Variants in TVP23C observed in about 807,000 individuals in gnomAD.
TVP23C encodes trans-golgi network vesicle protein 23 homolog C, also known as Golgi apparatus membrane protein TVP23 homolog C.
Under a neutral mutation model 28.7 loss-of-function variants are expected in TVP23C, and 19 were observed. The observed-to-expected ratio is 0.66, with a 90% CI of 0.46 to 0.97. The LOEUF is 0.97. TVP23C is among the 50% of genes least tolerant of loss of function. The pLI is 0.00. For synonymous variants in TVP23C, 68 were observed against 81.7 expected (o/e 0.83, Z 0.90); for missense variants, 186 against 241.3 (o/e 0.77, Z 1.52).
intron 5 of TVP23C, among the ~76,000 whole-genome samples, chr17:15,517,689 A>G (rs571540654): frequency 6.6e-6 from 1 of 152,246 alleles, no homozygotes; most frequent in Non-Finnish European, 1.5e-5. Context: ...ACCTCCAAAC[A>G]ATGGTTTGAG....
intron 5 of TVP23C, among the ~76,000 whole-genome samples, chr17:15,544,850 T>C (rs1983573733): frequency 6.6e-6 from 1 of 151,976 alleles, no homozygotes; most frequent in African/African-American, 2.4e-5. Context: ...AAAGAATCTA[T>C]ATCACAAAAT....
At chr17:15,557,732 A>T (rs1374654975) in intron 1 of TVP23C, among the ~76,000 whole-genome samples, 1 of 141,172 alleles carries the variant, frequency 7.1e-6, no homozygotes, top group Non-Finnish European at 1.6e-5. Context: ...CAGGGCTGAG[A>T]AATCTAAGTG....
Position 15,553,902 on chromosome 17 carries a change from G to A in TVP23C, c.96-73C>T, listed in dbSNP as rs1208272508. On this transcript the variant is annotated intron_variant, in intron 2 of 5. Coordinates refer to ENST00000518321, the MANE Select transcript of TVP23C (RefSeq NM_001135036.2). The stretch of plus-strand genomic sequence containing the variant: ...GGTACTAGCAAATGTAGAGAAAAAT[G>A]TTTTAGCCATCGTGTAACTGTGAAG... 3.1e-6 allele frequency: 5 copies of A among 1,600,612 alleles called. No individual in the cohort carries two copies. The South Asian group carries it at 4.5e-5, about 14-fold the overall frequency.
downstream of TVP23C, among the ~76,000 whole-genome samples, chr17:15,534,622 T>C (rs1465248255): frequency 2.0e-5 from 3 of 150,290 alleles, no homozygotes; most frequent in Non-Finnish European, 4.4e-5. Context: ...CCCTTACCTA[T>C]TTAGAGGTCT....
At chr17:15,551,119 A>AT (rs1326020382) in intron 3 of TVP23C, among the ~76,000 whole-genome samples, 3 of 141,926 alleles carry the variant, frequency 2.1e-5, no homozygotes, top group Non-Finnish European at 3.0e-5. Context: ...AGTTGCCATT[A>AT]TTGTTTTTTT....
Position 15,555,308 on chromosome 17 carries a change from A to G in TVP23C, c.69T>C (p.Thr23=). ...VSLFDAEEET[T]NRPRKAKIRH... ...TGATTTTGGCTTTTCTTGGTCTATTAGTCGTCTCCTCTTCCGCATCAAACA... is the reference window on the plus strand; with the variant it reads ...TGATTTTGGCTTTTCTTGGTCTATTGGTCGTCTCCTCTTCCGCATCAAACA... Residue 23 remains threonine (T), a synonymous_variant, in exon 2 of 6, where the codon ACT becomes ACC. Transcript: ENST00000518321. 2 of 1,613,974 alleles carry G rather than the reference A, an allele frequency of 1.2e-6. No individual in the cohort carries two copies. The highest frequency in any genetic ancestry group is 1.7e-6 in the Non-Finnish European group (2 of 1,179,864).
Position 15,537,999 on chromosome 17 carries a change from A to C in TVP23C, c.*2413T>G. On this transcript the variant is annotated 3_prime_UTR_variant, in exon 6 of 6. Coordinates refer to ENST00000518321, the MANE Select transcript of TVP23C (RefSeq NM_001135036.2). ...ATGAAAACTACTTTTCCTTTTTATA[A>C]ATAAAGTTTTTAAGTGGAAAAACAA... The C allele has an allele frequency of 6.7e-7, 1 of 1,503,608 alleles. No individual in the cohort carries two copies. The highest frequency in any genetic ancestry group is 8.9e-7 in the Non-Finnish European group (1 of 1,126,720). The allele number at this position is 1,503,608 out of a possible 1,614,324, so 93.1% of individuals were successfully genotyped here.
rs1373717805 is a variant in TVP23C, at chr17:15,538,220, G to A, written c.*2192C>T. 1 of 1,609,714 alleles carries A rather than the reference G, an allele frequency of 6.2e-7. No homozygotes were observed. Among genetic ancestry groups the A allele is most frequent in the African/African-American group, 1.3e-5 (1 of 74,356 alleles). ...TTCACTTCACACACCATGGACTTGGGGCCTAGGCCTAGGAAAACATTCTAT... is the reference window on the plus strand; with the variant it reads ...TTCACTTCACACACCATGGACTTGGAGCCTAGGCCTAGGAAAACATTCTAT... On this transcript the variant is annotated 3_prime_UTR_variant, in exon 6 of 6. Coordinates refer to ENST00000518321, the MANE Select transcript of TVP23C (RefSeq NM_001135036.2).
chr17:15,542,774 G>C (rs1567640541), intron 5 of TVP23C, among the ~76,000 whole-genome samples: 3 of 152,074 alleles, frequency 2.0e-5, no homozygotes, highest in African/African-American at 7.2e-5. Context: ...CCATGCCAAG[G>C]TCTTAACCCA....
At chr17:15,514,059 T>C (rs966335199) in intron 5 of TVP23C, among the ~76,000 whole-genome samples, 2 of 152,232 alleles carry the variant, frequency 1.3e-5, no homozygotes, top group African/African-American at 4.8e-5. Flanking sequence ...GAGAACGTTC[T>C]TATCACCGTT....
intron 5 of TVP23C, among the ~76,000 whole-genome samples, chr17:15,512,622 C>T (rs1174123855): frequency 6.6e-6 from 1 of 152,232 alleles, no homozygotes; most frequent in African/African-American, 2.4e-5. Context: ...AAGCCATGCT[C>T]TCTGCTTTGC....
chr17:15,542,726 T>C (rs950860955), intron 5 of TVP23C, among the ~76,000 whole-genome samples: 44 of 152,198 alleles, frequency 2.9e-4, no homozygotes, highest in Non-Finnish European at 5.0e-4. Flanking sequence ...CCGCCCGCCT[T>C]GGCCCTCCCA....
At chr17:15,550,978 A>G (rs1304581776) in intron 3 of TVP23C, among the ~76,000 whole-genome samples, 1 of 152,310 alleles carries the variant, frequency 6.6e-6, no homozygotes, top group East Asian at 1.9e-4. Context: ...ATCACTTTAT[A>G]CATGTACTCT....
At chr17:15,510,128 A>G (rs1178372142) in intron 5 of TVP23C, among the ~76,000 whole-genome samples, 1 of 152,174 alleles carries the variant, frequency 6.6e-6, no homozygotes, top group Non-Finnish European at 1.5e-5. Context: ...CATGTCTAGA[A>G]TTGTGTTTGA....
downstream of TVP23C, among the ~76,000 whole-genome samples, chr17:15,536,115 A>G (rs1983143633): frequency 6.6e-6 from 1 of 151,878 alleles, no homozygotes; most frequent in Admixed American, 6.6e-5. Flanking sequence ...ACTTGAACCC[A>G]GAGGGCAGAG....
chr17:15,558,127 A>G (rs1371269878), intron 1 of TVP23C, among the ~76,000 whole-genome samples: 1 of 149,530 alleles, frequency 6.7e-6, no homozygotes, highest in Non-Finnish European at 1.5e-5. Flanking sequence ...AGGTGTGATC[A>G]TAACGTACAG....
intron 1 of TVP23C, 95 bp from the exon 2 acceptor site, chr17:15,555,459 T>A: frequency 3.3e-6 from 5 of 1,524,722 alleles, no homozygotes; most frequent in Non-Finnish European, 3.6e-6. Flanking sequence ...AAATAGAAGA[T>A]AAAATAATGT....
At chr17:15,549,850 T>C (rs1236397767) in intron 3 of TVP23C, among the ~76,000 whole-genome samples, 1 of 151,558 alleles carries the variant, frequency 6.6e-6, no homozygotes, top group East Asian at 1.9e-4. Context: ...CAGCACTCCT[T>C]AGGAAGGGAA....
chr17:15,557,068 T>G (rs1448108573), intron 1 of TVP23C, among the ~76,000 whole-genome samples: 1 of 149,176 alleles, frequency 6.7e-6, no homozygotes, highest in Non-Finnish European at 1.5e-5. Flanking sequence ...CTCAGAAAAC[T>G]CTTCCCTTCC....
Sources: allele counts gnomAD v4.1 joint callset (sites outside exome capture counted in the v4.1 genomes callset), GRCh38; gene constraint gnomAD v4.1.1; transcripts MANE v1.5; gene names NCBI Gene and HGNC (gene_info 2026-07-23, HGNC 2026-07-21).